Variants in DNAJC13 observed in about 807,000 individuals in gnomAD.
DNAJC13 encodes DnaJ heat shock protein family (Hsp40) member C13, also known as dnaJ homolog subfamily C member 13.
DNAJC13 carries 75 observed loss-of-function variants against 290.5 expected under a neutral mutation model. The ratio of observed to expected loss-of-function variants is 0.26; its 90% confidence interval spans 0.21 to 0.31. The LOEUF is 0.31. Ranked by LOEUF, DNAJC13 falls within the 10% of genes least tolerant of loss-of-function variation. The pLI is 1.00. For synonymous variants in DNAJC13, 862 were observed against 892.0 expected, an observed-to-expected ratio of 0.97 and a Z score of 0.60; for missense variants, 2,260 against 2,674.5, an observed-to-expected ratio of 0.85 and a Z score of 3.42.
chr3:132,496,649 A>G lies in DNAJC13; in HGVS notation c.4142A>G (p.Asn1381Ser), dbSNP rs746392053. ...CTAAAAACACAGAGCATCCTCTTCA[A>G]CCGTCATAAAGAAGGTAAGATGTCT... Reference protein sequence around the residue: ...LILKTQSILFNRHKEDLQPYK... With the variant: ...LILKTQSILFSRHKEDLQPYK... The change falls in exon 36 of 56, where the codon AAC (asparagine) becomes AGC (serine). Residue 1381 changes from asparagine (N) to serine (S), a missense_variant. Coordinates refer to ENST00000260818, the MANE Select transcript of DNAJC13 (RefSeq NM_015268.4). 8 of 1,608,436 alleles carry G rather than the reference A, an allele frequency of 5.0e-6. No homozygotes were observed. The highest frequency in any genetic ancestry group is 4.5e-5 in the South Asian group (4 of 89,756).
chr3:132,523,492 C>T (rs764961874), intron 50 of DNAJC13, 48 bp from the exon 51 acceptor site: 36 of 1,579,226 alleles, frequency 2.3e-5, no homozygotes, highest in Non-Finnish European at 3.0e-5. Context: ...GCATTTCTAG[C>T]TTCAAGATTA....
At chr3:132,428,462 C>A (rs146494773) in intron 1 of DNAJC13, among the ~76,000 whole-genome samples, 2 of 152,182 alleles carry the variant, frequency 1.3e-5, no homozygotes, top group Admixed American at 1.3e-4. Flanking sequence ...GTTATCTTAT[C>A]TTTTTTTCAT....
chr3:132,455,556 C>T (rs547758419), intron 9 of DNAJC13, among the ~76,000 whole-genome samples: 2 of 152,156 alleles, frequency 1.3e-5, no homozygotes, highest in South Asian at 2.1e-4. Context: ...TATCATTACT[C>T]ATAGCCAAAA....
At position 132,491,007 on chromosome 3, in the gene DNAJC13, A is replaced by G; in HGVS notation, c.3579A>G (p.Leu1193=). The change falls in exon 32 of 56, where the codon CTA becomes CTG. Residue 1193 remains leucine, a synonymous_variant. Transcript: ENST00000260818. ...YEPEKFSEIF[L]GEFDTPEAIW... is the part of the protein sequence containing the mutation. Reference sequence around the variant, plus strand: ...CTGAAAAGTTTTCTGAGATTTTTCTAGGAGAATTTGATACTCCAGAAGCAA... The same window carrying G: ...CTGAAAAGTTTTCTGAGATTTTTCTGGGAGAATTTGATACTCCAGAAGCAA... The G allele has an allele frequency of 6.2e-7, 1 of 1,612,864 alleles. No individual in the cohort carries two copies. The highest frequency in any genetic ancestry group is 8.5e-7 in the Non-Finnish European group (1 of 1,179,494).
intron 13 of DNAJC13, among the ~76,000 whole-genome samples, chr3:132,458,988 G>T (rs1159607185): frequency 6.6e-6 from 1 of 151,980 alleles, no homozygotes; most frequent in South Asian, 2.1e-4. Flanking sequence ...TCCTTAACAG[G>T]CCTTGTCAAG....
At chr3:132,434,283 G>A (rs1344642493) in intron 1 of DNAJC13, among the ~76,000 whole-genome samples, 1 of 151,558 alleles carries the variant, frequency 6.6e-6, no homozygotes, top group African/African-American at 2.4e-5. Context: ...CTACTTGGGA[G>A]GCTGACGCAG....
Position 132,466,318 on chromosome 3 carries a change from A to C in DNAJC13, c.1988A>C (p.Tyr663Ser). The C allele has an allele frequency of 6.3e-7, 1 of 1,591,256 alleles. No homozygotes were observed. Among genetic ancestry groups the C allele is most frequent in the Non-Finnish European group, 8.5e-7 (1 of 1,173,758 alleles). ...TTTTAGCCGCCAGGCTTGCTGGCAT[A>C]CTTGGAAAGCTCAGATCTCGTACCT... The part of the protein sequence containing the change: ...KRILPPGLLA[Y>S]LESSDLVPEK... The change falls in exon 19 of 56, where the codon TAC becomes TCC. Residue 663 changes from tyrosine to serine, a missense_variant. Tyr to Ser is a moderately radical substitution (Grantham distance 144). Transcript: ENST00000260818.
intron 28 of DNAJC13, 156 bp from the exon 29 acceptor site, chr3:132,484,432 C>A (rs1934784362): frequency 4.5e-6 from 3 of 661,480 alleles, no homozygotes; most frequent in Admixed American, 2.5e-5. Flanking sequence ...AGATTTAAAC[C>A]AAAATACCTA....
rs951458686 is a variant in DNAJC13 at position 132,532,730 on chromosome 3, T to G, written c.6625+1633T>G. 2.0e-5 allele frequency among the ~76,000 whole-genome samples: 3 copies of G among 151,534 alleles called. No homozygotes were observed. The South Asian group carries it at 6.2e-4, about 32-fold the overall frequency. ...GGTATGATTGAAAAAAAAATCTGCC[T>G]TATTTTTATTTTATTATTTATTTTT... On this transcript the variant is annotated intron_variant, in intron 55 of 55. Transcript: ENST00000260818.
At chr3:132,438,893 CA>C (rs1216706410) in intron 2 of DNAJC13, among the ~76,000 whole-genome samples, 1 of 152,092 alleles carries the variant, frequency 6.6e-6, no homozygotes, top group Admixed American at 6.5e-5. Context: ...AGAGTAGATT[CA>C]GGGGGGAAAA....
chr3:132,437,272 G>A (rs2107652396), intron 2 of DNAJC13, among the ~76,000 whole-genome samples: 1 of 152,256 alleles, frequency 6.6e-6, no homozygotes, highest in South Asian at 2.1e-4. Context: ...TATATGATTT[G>A]CAAATATTTT....
At chr3:132,499,894 C>T in intron 38 of DNAJC13, 86 bp downstream of exon 38, 2 of 1,268,956 alleles carry the variant, frequency 1.6e-6, no homozygotes, top group Non-Finnish European at 2.3e-6. Context: ...CTGGAGGGCT[C>T]ATTAAACTGT....
intron 2 of DNAJC13, among the ~76,000 whole-genome samples, chr3:132,439,102 C>G (rs959976363): frequency 2.6e-5 from 4 of 152,110 alleles, no homozygotes; most frequent in Non-Finnish European, 4.4e-5. Context: ...CTGTGGATCA[C>G]CTTAATATTG....
At position 132,463,741 on chromosome 3, in the gene DNAJC13, A is replaced by G. The variant is rs758051752; in HGVS notation, c.1816A>G (p.Ser606Gly). 1 of 1,613,414 alleles carries G rather than the reference A, an allele frequency of 6.2e-7. No individual in the cohort carries two copies. The highest frequency in any genetic ancestry group is 1.3e-5 in the African/African-American group (1 of 74,910). The change falls in exon 17 of 56, where the codon AGT becomes GGT. Residue 606 changes from serine (S) to glycine (G), a missense_variant. Coordinates refer to ENST00000260818, the MANE Select transcript of DNAJC13 (RefSeq NM_015268.4). ...TACAAAAATGCAGGAGCTTGCCCTA[A>G]GTGAAGGTGCCTTACCTCGACACTT... The part of the protein sequence containing the change: ...IATKMQELAL[S>G]EGALPRHLHT...
intron 13 of DNAJC13, 117 bp from the exon 14 acceptor site, chr3:132,460,133 G>A (rs1933740491): frequency 7.0e-6 from 4 of 571,478 alleles, no homozygotes; most frequent in Non-Finnish European, 1.2e-5. Context: ...CACTTTAAAG[G>A]CAATGGTTTT....
chr3:132,472,940 T>C (rs1934333959), intron 20 of DNAJC13, among the ~76,000 whole-genome samples: 1 of 152,242 alleles, frequency 6.6e-6, no homozygotes, highest in Admixed American at 6.5e-5. Context: ...TATAGAAATA[T>C]ATGCTGTCAA....
At chr3:132,492,792 T>G (rs1386111781) in intron 33 of DNAJC13, among the ~76,000 whole-genome samples, 177 bp downstream of exon 33, 1 of 150,822 alleles carries the variant, frequency 6.6e-6, no homozygotes, top group Non-Finnish European at 1.5e-5. Flanking sequence ...GATCTCACAC[T>G]GAAAGATAAT....
At position 132,475,102 on chromosome 3, in the gene DNAJC13, C is replaced by T. The variant is rs1271626585; in HGVS notation, c.2445+17C>T. ...GAGTTTGAGGTAAAGTTTGATTTTT[C>T]CAGTATATTAATCTTAAAAAATAAA... On this transcript the variant is annotated intron_variant, in intron 22 of 55. Coordinates refer to ENST00000260818, the MANE Select transcript of DNAJC13 (RefSeq NM_015268.4). The T allele has an allele frequency of 5.1e-6, 8 of 1,556,750 alleles. No individual in the cohort carries two copies. Among genetic ancestry groups the T allele is most frequent in the Admixed American group, 1.9e-5 (1 of 52,522 alleles).
chr3:132,502,232 C>A, intron 39 of DNAJC13, 57 bp from the exon 40 acceptor site: 1 of 1,188,242 alleles, frequency 8.4e-7, no homozygotes, highest in Non-Finnish European at 1.1e-6. Context: ...CTCTTGGGAG[C>A]TTTTTTTTTT....
Sources: gnomAD v4.1 joint callset for allele counts (sites outside exome capture counted in the v4.1 genomes callset) on GRCh38, gnomAD v4.1.1 for gene constraint, MANE v1.5 for transcripts, NCBI Gene and HGNC (gene_info 2026-07-23, HGNC 2026-07-21) for gene names.